The following WFDC9 variants were observed in gnomAD, a reference collection of about 807,000 sequenced individuals.
WFDC9 encodes the protein protein WFDC9.
A neutral mutation model predicts 9.5 loss-of-function variants in WFDC9; 9 were observed. That is an observed-to-expected ratio of 0.95 (90% confidence interval 0.57 to 1.65). WFDC9 has a LOEUF of 1.65. Among genes scored for constraint, WFDC9 ranks in the 40% most tolerant of loss-of-function variants. The pLI is 0.00. For missense variants in WFDC9, 87 were observed against 106.7 expected, an observed-to-expected ratio of 0.82 and a Z score of 0.81; for synonymous variants, 33 against 32.3, an observed-to-expected ratio of 1.02 and a Z score of -0.07.
chr20:45,629,945 AGGGGGAATGGAGG>A lies in WFDC9; in HGVS notation c.-153+1245_-153+1257del, dbSNP rs779366962. ...CTGGATGGGTGAGGGGGAATTGGGT[AGGGGGAATGGAGG>A]GCCTGTGTCCAGTCTGAGTAGGACC... On this transcript the variant is annotated intron_variant, in intron 1 of 4. Transcript: ENST00000326000. The A allele has an allele frequency of 7.5e-6, 12 of 1,604,150 alleles. No individual in the cohort carries two copies. In the East Asian group the frequency reaches 2.7e-4, roughly 36 times the overall value.
chr20:45,625,183 A>G (rs919511314), intron 1 of WFDC9, among the ~76,000 whole-genome samples: 3 of 152,144 alleles, frequency 2.0e-5, no homozygotes, highest in African/African-American at 7.2e-5. Context: ...GGCAGGAGAG[A>G]GAGCTCATGC....
At chr20:45,612,093 T>C (rs1981872567) in intron 2 of WFDC9, among the ~76,000 whole-genome samples, 2 of 152,188 alleles carry the variant, frequency 1.3e-5, no homozygotes. Context: ...GAAGATTAAA[T>C]AATATGTATG....
intron 1 of WFDC9, chr20:45,629,933 G>A: frequency 1.9e-6 from 3 of 1,610,430 alleles, no homozygotes; most frequent in South Asian, 1.1e-5. Flanking sequence ...GATGGGTGAG[G>A]GGGAATTGGG....
intron 1 of WFDC9, among the ~76,000 whole-genome samples, chr20:45,622,927 A>G (rs939415389): frequency 2.6e-5 from 4 of 152,218 alleles, no homozygotes; most frequent in African/African-American, 9.6e-5. Context: ...AACCAGCTCA[A>G]CTTGATGGGG....
At chr20:45,614,402 G>C (rs1425728160) in intron 2 of WFDC9, among the ~76,000 whole-genome samples, 1 of 152,168 alleles carries the variant, frequency 6.6e-6, no homozygotes, top group Non-Finnish European at 1.5e-5. Context: ...ATGTTAAAGA[G>C]GACAGAGTGC....
chr20:45,610,693 A>G (rs921963759), intron 2 of WFDC9, among the ~76,000 whole-genome samples: 1 of 152,218 alleles, frequency 6.6e-6, no homozygotes, highest in Admixed American at 6.5e-5. Flanking sequence ...AAAAGGCACT[A>G]AAGCAATTTA....
chr20:45,629,637 A>T, intron 1 of WFDC9: 1 of 642,978 alleles, frequency 1.6e-6, no homozygotes, highest in Non-Finnish European at 2.4e-6. Flanking sequence ...ACGAACGACA[A>T]GGCCAGGGGC....
intron 1 of WFDC9, among the ~76,000 whole-genome samples, chr20:45,624,933 T>C (rs887541109): frequency 1.3e-5 from 2 of 151,582 alleles, no homozygotes; most frequent in African/African-American, 4.8e-5. Flanking sequence ...TTAAATTGGA[T>C]TGTTTGTGTT....
In WFDC9 at chr20:45,612,996, T is replaced by C. The variant is rs147563950; in HGVS notation, c.-59+1632A>G. On this transcript the variant is annotated intron_variant, in intron 2 of 4. Transcript: ENST00000326000. ...GTGATTTTCCCTCTGCCTGAAAGTC[T>C]TTATATTTGTTCAGAAATTTTCAAT... Among the ~76,000 whole-genome samples, 45 of 152,352 alleles carry C rather than the reference T, an allele frequency of 3.0e-4. No individual in the cohort carries two copies. The East Asian group carries it at 7.7e-3, about 26-fold the overall frequency.
chr20:45,616,532 T>C (rs1294763663), intron 1 of WFDC9, among the ~76,000 whole-genome samples: 1 of 152,196 alleles, frequency 6.6e-6, no homozygotes, highest in Non-Finnish European at 1.5e-5. Flanking sequence ...AATCATGGTA[T>C]GTAGAATAGT....
chr20:45,625,832 T>TTTTTTTTG, intron 1 of WFDC9, among the ~76,000 whole-genome samples: 1 of 141,038 alleles, frequency 7.1e-6, no homozygotes, highest in African/African-American at 2.7e-5. Context: ...TTTTTTTTTT[T>TTTTTTTTG]TGAGACAGAG....
intron 1 of WFDC9, among the ~76,000 whole-genome samples, chr20:45,629,222 A>AG (rs1982295173): frequency 6.6e-6 from 1 of 152,234 alleles, no homozygotes; most frequent in Admixed American, 6.5e-5. Context: ...AAGAAATCAA[A>AG]GATTTATAAA....
chr20:45,613,658 A>T (rs148232852), intron 2 of WFDC9, among the ~76,000 whole-genome samples: 1 of 152,224 alleles, frequency 6.6e-6, no homozygotes, highest in African/African-American at 2.4e-5. Flanking sequence ...TAGAACCCCC[A>T]CACACACAAA....
intron 1 of WFDC9, among the ~76,000 whole-genome samples, chr20:45,619,388 G>A (rs953670599): frequency 2.6e-4 from 39 of 152,140 alleles, no homozygotes; most frequent in Admixed American, 1.4e-3. Context: ...TGCAGTATCT[G>A]AAATACTGTA....
At position 45,608,810 on chromosome 20, in the gene WFDC9, A is replaced by T; in HGVS notation, c.92T>A (p.Phe31Tyr). Residue 31 changes from phenylalanine to tyrosine, a missense_variant and splice_region_variant, in exon 4 of 5, where the codon TTT (phenylalanine) becomes TAT (tyrosine). Phe to Tyr is a conservative substitution (Grantham distance 22, BLOSUM62 3). Coordinates refer to ENST00000326000, the MANE Select transcript of WFDC9 (RefSeq NM_147198.4). ...VLGSFWNKDPFLDMIRETEQC... is the reference protein window; with the variant it reads ...VLGSFWNKDPYLDMIRETEQC... ...CTCAGTTTCTCTTATCATATCTAGA[A>T]CTGAGATGGAAGAAGTTAGCAGGGT... is the stretch of plus-strand genomic sequence containing the variant. 1 of 1,608,986 alleles carries T rather than the reference A, an allele frequency of 6.2e-7. No individual in the cohort carries two copies. Among genetic ancestry groups the T allele is most frequent in the Non-Finnish European group, 8.5e-7 (1 of 1,177,894 alleles).
At chr20:45,608,934 A>G (rs552380476) in intron 3 of WFDC9, 124 bp from the exon 4 acceptor site, 1 of 1,089,892 alleles carries the variant, frequency 9.2e-7, no homozygotes, top group Non-Finnish European at 1.3e-6. Context: ...GCCTTCCAAG[A>G]AAATCCCTTC....
intron 2 of WFDC9, among the ~76,000 whole-genome samples, chr20:45,612,221 TC>T (rs1364243907): frequency 2.6e-5 from 4 of 152,188 alleles, no homozygotes; most frequent in Admixed American, 2.0e-4. Flanking sequence ...ACAATTTTTT[TC>T]TTTTTACTTT....
intron 4 of WFDC9, 46 bp from the exon 5 acceptor site, chr20:45,608,186 C>A: frequency 6.3e-7 from 1 of 1,583,684 alleles, no homozygotes; most frequent in Non-Finnish European, 8.6e-7. Context: ...TGGGATAAAT[C>A]CATTTCTAAA....
chr20:45,629,269 T>A (rs1476887420), intron 1 of WFDC9, among the ~76,000 whole-genome samples: 1 of 152,194 alleles, frequency 6.6e-6, no homozygotes, highest in Non-Finnish European at 1.5e-5. Flanking sequence ...TATTAGTAAT[T>A]AGTACAATAC....
Sources: gnomAD v4.1 joint callset for allele counts (sites outside exome capture counted in the v4.1 genomes callset) on GRCh38, gnomAD v4.1.1 for gene constraint, MANE v1.5 for transcripts, NCBI Gene and HGNC (gene_info 2026-07-23, HGNC 2026-07-21) for gene names.